GRID2: variants seen among roughly 807,000 people sequenced by gnomAD.
GRID2 encodes glutamate ionotropic receptor delta type subunit 2, also known as glutamate receptor ionotropic, delta-2.
In GRID2, 33 loss-of-function variants were observed where a neutral mutation model predicts 114.8. The observed-to-expected ratio is 0.29, with a 90% CI of 0.22 to 0.38. The LOEUF (loss-of-function observed/expected upper bound fraction) is 0.38. Among genes scored for constraint, GRID2 ranks in the 10% least tolerant of loss-of-function variants. GRID2 has a pLI of 1.00. For synonymous variants in GRID2, 505 were observed against 449.9 expected (o/e 1.12, Z -1.55); for missense variants, 1,184 against 1,257.7 (o/e 0.94, Z 0.89).
intron 1 of GRID2, among the ~76,000 whole-genome samples, chr4:92,423,002 G>C (rs1731979774): frequency 6.6e-6 from 1 of 152,142 alleles, no homozygotes; most frequent in African/African-American, 2.4e-5. Context: ...TGCAAAGGCA[G>C]TTTCAATCCC....
intron 2 of GRID2, among the ~76,000 whole-genome samples, chr4:92,786,630 A>G (rs1303592142): frequency 6.6e-6 from 1 of 151,938 alleles, no homozygotes; most frequent in East Asian, 1.9e-4. Flanking sequence ...ATGTGAATAT[A>G]AAGGTAGATT....
At chr4:92,970,936 T>C (rs557180723) in intron 2 of GRID2, among the ~76,000 whole-genome samples, 23 of 151,926 alleles carry the variant, frequency 1.5e-4, no homozygotes, top group East Asian at 3.9e-4. Context: ...TATATATATA[T>C]ACACACACAT....
chr4:93,539,988 C>T (rs1732495246), intron 13 of GRID2, among the ~76,000 whole-genome samples: 1 of 151,884 alleles, frequency 6.6e-6, no homozygotes, highest in Non-Finnish European at 1.5e-5. Flanking sequence ...CTGATGGATA[C>T]TTTACTTCAA....
intron 8 of GRID2, among the ~76,000 whole-genome samples, chr4:93,239,861 T>C (rs1433759623): frequency 6.6e-6 from 1 of 151,722 alleles, no homozygotes; most frequent in African/African-American, 2.4e-5. Context: ...TACATCCTTA[T>C]ATAATTGTTT....
chr4:93,594,442 C>T (rs1381349818), intron 13 of GRID2, among the ~76,000 whole-genome samples: 8 of 152,184 alleles, frequency 5.3e-5, no homozygotes, highest in Admixed American at 3.3e-4. Flanking sequence ...CTGGGAGAAC[C>T]ACTGCTCTCT....
intron 13 of GRID2, among the ~76,000 whole-genome samples, chr4:93,574,921 A>G (rs1161664887): frequency 6.6e-6 from 1 of 152,148 alleles, no homozygotes; most frequent in Non-Finnish European, 1.5e-5. Flanking sequence ...TCTGCTCAAA[A>G]TGGTGTCCAA....
intron 1 of GRID2, among the ~76,000 whole-genome samples, chr4:92,555,650 C>T (rs1040673581): frequency 4.6e-5 from 7 of 152,226 alleles, no homozygotes; most frequent in Admixed American, 6.5e-5. Context: ...TTTAACTTCT[C>T]GTCTGTGGTT....
chr4:93,580,688 G>A lies in GRID2; in HGVS notation c.2194-45581G>A, dbSNP rs548922786. On this transcript the variant is annotated intron_variant, in intron 13 of 15. Transcript: ENST00000282020. Reference sequence around the variant, plus strand: ...TCTGCAAAGCATTACATGGTTAATTGTCAGAAAACTGTCACTGAGGAAAGT... The same window carrying A: ...TCTGCAAAGCATTACATGGTTAATTATCAGAAAACTGTCACTGAGGAAAGT... 2.0e-5 allele frequency among the ~76,000 whole-genome samples: 3 copies of A among 152,052 alleles called. No individual in the cohort carries two copies. In the South Asian group the frequency reaches 6.2e-4, roughly 32 times the overall value.
intron 6 of GRID2, among the ~76,000 whole-genome samples, chr4:93,224,176 A>G (rs1377357914): frequency 1.3e-5 from 2 of 152,200 alleles, no homozygotes; most frequent in African/African-American, 4.8e-5. Context: ...ACATTCATAT[A>G]TGAAATCAAG....
intron 11 of GRID2, among the ~76,000 whole-genome samples, chr4:93,482,495 A>G (rs912469996): frequency 1.3e-5 from 2 of 151,924 alleles, no homozygotes; most frequent in African/African-American, 4.8e-5. Flanking sequence ...ATGAGAACAC[A>G]TGGACACGGA....
intron 2 of GRID2, among the ~76,000 whole-genome samples, chr4:92,768,603 A>C (rs948593057): frequency 1.3e-5 from 2 of 152,206 alleles, no homozygotes; most frequent in African/African-American, 4.8e-5. Context: ...GGTAATTTAC[A>C]AAATAAAGAG....
intron 2 of GRID2, among the ~76,000 whole-genome samples, chr4:92,949,102 G>T (rs1189896104): frequency 6.6e-6 from 1 of 151,178 alleles, no homozygotes; most frequent in Non-Finnish European, 1.5e-5. Context: ...AGATCTGGAG[G>T]CATCCTTGTT....
At chr4:93,001,282 T>G (rs1002885136) in intron 2 of GRID2, among the ~76,000 whole-genome samples, 22 of 151,688 alleles carry the variant, frequency 1.5e-4, no homozygotes, top group Admixed American at 2.6e-4. Flanking sequence ...CTTTTTTGTT[T>G]TATGAAATAC....
In GRID2 at chr4:93,153,710, G is replaced by A. The variant is rs576675225; in HGVS notation, c.735+42757G>A. On this transcript the variant is annotated intron_variant, in intron 4 of 15. Coordinates refer to ENST00000282020, the MANE Select transcript of GRID2 (RefSeq NM_001510.4). The stretch of plus-strand genomic sequence containing the variant: ...GTGAATTACTGACTCAATGCATAGG[G>A]AAGAGCCATCCTGGAGAATTCCGGT... Among the ~76,000 whole-genome samples, 85 of 152,024 alleles carry A rather than the reference G, an allele frequency of 5.6e-4. 1 individual carries two copies. The highest frequency in any genetic ancestry group is 1.1e-3 in the Non-Finnish European group (76 of 67,990).
At chr4:93,149,912 A>T (rs1263674996) in intron 4 of GRID2, among the ~76,000 whole-genome samples, 2 of 152,082 alleles carry the variant, frequency 1.3e-5, no homozygotes, top group Admixed American at 6.5e-5. Flanking sequence ...CTGGGATTAC[A>T]GGTGTGGGTC....
rs1560565593 is a variant in GRID2 at position 92,740,735 on chromosome 4, GATAGATGGATA to G, written c.244+150450_244+150460del. On this transcript the variant is annotated intron_variant, in intron 2 of 15. Coordinates refer to ENST00000282020, the MANE Select transcript of GRID2 (RefSeq NM_001510.4). Reference sequence around the variant, plus strand: ...AGATAGATAGATAGATAGATAGATAGATAGATGGATAGATAGATAGACAGATAGATAGATAG... The same window carrying G: ...AGATAGATAGATAGATAGATAGATAGGATAGATAGACAGATAGATAGATAG... 4.8e-5 allele frequency among the ~76,000 whole-genome samples: 7 copies of G among 145,530 alleles called. No individual in the cohort carries two copies. In the East Asian group the frequency reaches 7.8e-4, roughly 16 times the overall value.
At chr4:93,187,464 CAG>C (rs1303273384) in intron 4 of GRID2, among the ~76,000 whole-genome samples, 1 of 152,024 alleles carries the variant, frequency 6.6e-6, no homozygotes, top group East Asian at 1.9e-4. Flanking sequence ...TTAGTAGAGA[CAG>C]GGTTTCATCA....
intron 2 of GRID2, among the ~76,000 whole-genome samples, chr4:92,622,192 A>G (rs1179781167): frequency 6.6e-6 from 1 of 151,782 alleles, no homozygotes; most frequent in Non-Finnish European, 1.5e-5. Flanking sequence ...CTGAGATTTC[A>G]TAGCAAGAAT....
At chr4:92,929,308 A>T (rs920192832) in intron 2 of GRID2, among the ~76,000 whole-genome samples, 1 of 151,284 alleles carries the variant, frequency 6.6e-6, no homozygotes, top group African/African-American at 2.4e-5. Flanking sequence ...GTGGATACAG[A>T]TTTCCTTGAT....
Sources: gnomAD v4.1 joint callset for allele counts (sites outside exome capture counted in the v4.1 genomes callset) on GRCh38, gnomAD v4.1.1 for gene constraint, MANE v1.5 for transcripts, NCBI Gene and HGNC (gene_info 2026-07-23, HGNC 2026-07-21) for gene names.